The following ATXN10 variants were observed in gnomAD, a reference collection of about 807,000 sequenced individuals.
The protein encoded by ATXN10 is ataxin-10.
In ATXN10, 28 loss-of-function variants were observed where a neutral mutation model predicts 52.9. The ratio of observed to expected loss-of-function variants is 0.53; its 90% confidence interval spans 0.39 to 0.73. The LOEUF (loss-of-function observed/expected upper bound fraction) is 0.73, where lower values mean the gene tolerates loss of function less well. Among genes scored for constraint, ATXN10 ranks in the 30% least tolerant of loss-of-function variants. The probability of loss-of-function intolerance (pLI) is 0.00; values close to 1 mark genes in which losing one functional copy is unlikely to be tolerated. For missense variants in ATXN10, 565 were observed against 577.0 expected, an observed-to-expected ratio of 0.98 and a Z score of 0.21; for synonymous variants, 226 against 221.5, an observed-to-expected ratio of 1.02 and a Z score of -0.18.
intron 2 of ATXN10, among the ~76,000 whole-genome samples, chr22:45,691,568 A>G (rs1425638439): frequency 6.6e-6 from 1 of 152,240 alleles, no homozygotes; most frequent in East Asian, 1.9e-4. Flanking sequence ...AAGCTTAACA[A>G]GCAGTCTGCC....
At chr22:45,734,170 G>T (rs113077581) in intron 7 of ATXN10, among the ~76,000 whole-genome samples, 2 of 152,140 alleles carry the variant, frequency 1.3e-5, no homozygotes, top group African/African-American at 2.4e-5. Context: ...TAAATTCCTG[G>T]AGTTGAATTG....
Position 45,843,126 on chromosome 22 carries a change from AAAAG to A in ATXN10, c.1378_1381del (p.Lys460AlafsTer4), listed in dbSNP as rs1929402776. ...CTTAAAAAAGTGGGTTTTGAAGTTG[AAAAG>A]AAAGGCGAAAAGCTGATCCTGAAAT... On this transcript the variant is annotated frameshift_variant, in exon 11 of 12. Transcript: ENST00000252934. LOFTEE classifies it high-confidence loss of function. The surrounding 1 kb of genome is among the most constrained non-coding windows in gnomAD (Gnocchi z 4.5). The A allele has an allele frequency of 6.2e-7, 1 of 1,613,994 alleles. No individual in the cohort carries two copies. Among genetic ancestry groups the A allele is most frequent in the African/African-American group, 1.3e-5 (1 of 74,920 alleles).
At chr22:45,737,315 A>G (rs1925335001) in intron 7 of ATXN10, among the ~76,000 whole-genome samples, 1 of 152,206 alleles carries the variant, frequency 6.6e-6, no homozygotes, top group Non-Finnish European at 1.5e-5. Context: ...TACCTTTTGC[A>G]TGGGCTGTCC....
Position 45,740,475 on chromosome 22 carries a change from T to C in ATXN10, c.1110T>C (p.Phe370=), listed in dbSNP as rs1925467941. 1.2e-6 allele frequency: 2 copies of C among 1,613,792 alleles called. No homozygotes were observed. Among genetic ancestry groups the C allele is most frequent in the Non-Finnish European group, 8.5e-7 (1 of 1,179,918 alleles). Residue 370 remains phenylalanine, a synonymous_variant, in exon 9 of 12, where the codon TTT becomes TTC. Coordinates refer to ENST00000252934, the MANE Select transcript of ATXN10 (RefSeq NM_013236.4). ...ACATCTCCAATGTGGCCAATGGGTT[T>C]AAGTCTCATCTCATTCGTCTGATTG... ...EGDISNVANG[F]KSHLIRLIGN...
At chr22:45,836,524 G>A (rs1929172650) in intron 10 of ATXN10, among the ~76,000 whole-genome samples, 1 of 152,064 alleles carries the variant, frequency 6.6e-6, no homozygotes, top group South Asian at 2.1e-4. Flanking sequence ...GGAAGCCCAG[G>A]GCTCCCTGGG....
rs11913709 is a variant in ATXN10 at position 45,795,423 on chromosome 22, C to A, written c.1174-11536C>A. On this transcript the variant is annotated intron_variant, in intron 9 of 11. Coordinates refer to ENST00000252934, the MANE Select transcript of ATXN10 (RefSeq NM_013236.4). This position sits in a 1 kb window ranked among gnomAD's most constrained non-coding sequence, Gnocchi z 4.6. ...CTATTCTATTCTATTCTATTCTATT[C>A]TTTTTGAGATGAAGTCTCTCTATGT... is the stretch of plus-strand genomic sequence containing the variant. Among the ~76,000 whole-genome samples, 1,030 of 126,260 alleles carry A rather than the reference C, an allele frequency of 8.2e-3. 11 individuals are homozygous for A. The highest frequency in any genetic ancestry group is 0.03 in the African/African-American group (931 of 30,648). The allele number at this position is 126,260 out of a possible 152,430, so 82.8% of individuals were successfully genotyped here.
intron 9 of ATXN10, among the ~76,000 whole-genome samples, chr22:45,776,564 G>T (rs1926964220): frequency 6.6e-6 from 1 of 151,644 alleles, no homozygotes; most frequent in Non-Finnish European, 1.5e-5. Flanking sequence ...AACTGATATG[G>T]AAGAGAAGTT....
At chr22:45,776,186 C>G (rs1262585589) in intron 9 of ATXN10, among the ~76,000 whole-genome samples, 1 of 152,220 alleles carries the variant, frequency 6.6e-6, no homozygotes, top group Non-Finnish European at 1.5e-5. Context: ...GTAAAGGCTT[C>G]AGTGATTGTT....
chr22:45,685,523 T>C (rs1487398646), intron 1 of ATXN10, among the ~76,000 whole-genome samples: 3 of 152,236 alleles, frequency 2.0e-5, no homozygotes, highest in Non-Finnish European at 4.4e-5. Flanking sequence ...ACTTTTGTAA[T>C]ATTGGAGTGA....
chr22:45,733,500 C>T lies in ATXN10; in HGVS notation c.894+3910C>T, dbSNP rs999032906. On this transcript the variant is annotated intron_variant, in intron 7 of 11. Transcript: ENST00000252934. This position sits in a 1 kb window ranked among gnomAD's most constrained non-coding sequence, Gnocchi z 4.4. ...CTGTAATCCCAGCACTTTAGGAGGT[C>T]GAGGTGGGCAGATTGCCTGAGGTCA... is the stretch of plus-strand genomic sequence containing the variant. 2.0e-5 allele frequency among the ~76,000 whole-genome samples: 3 copies of T among 152,102 alleles called. No individual in the cohort carries two copies. The highest frequency in any genetic ancestry group is 2.1e-4 in the South Asian group (1 of 4,800).
rs1172659594 is a variant in ATXN10 at position 45,747,134 on chromosome 22, A to G, written c.1173+6596A>G. Among the ~76,000 whole-genome samples the G allele has an allele frequency of 7.9e-5, 12 of 152,102 alleles. No homozygotes were observed. The East Asian group carries it at 2.3e-3, about 29-fold the overall frequency. ...AATGGCTTAATTCACTCTCTTTCCC[A>G]GATACATGTTTTTCCTTCTTTATAG... On this transcript the variant is annotated intron_variant, in intron 9 of 11. Transcript: ENST00000252934.
Position 45,787,486 on chromosome 22 carries a change from C to T in ATXN10, c.1174-19473C>T, listed in dbSNP as rs73444675. The stretch of plus-strand genomic sequence containing the variant: ...TGGCAGTTTCCTTCCCACCTTCTAG[C>T]CTCCAGTTCCCAAGCCTGGCATTTG... On this transcript the variant is annotated intron_variant, in intron 9 of 11. Transcript: ENST00000252934. This position sits in a 1 kb window ranked among gnomAD's most constrained non-coding sequence, Gnocchi z 4.2. Among the ~76,000 whole-genome samples the T allele has an allele frequency of 0.011, 1,700 of 152,296 alleles. 38 individuals carry two copies. The highest frequency in any genetic ancestry group is 0.039 in the African/African-American group (1,621 of 41,556).
rs201858018 is a variant in ATXN10 at position 45,745,166 on chromosome 22, GCTT to G, written c.1173+4635_1173+4637del. Reference sequence around the variant, plus strand: ...ATAAACATGAAGAAAGCATTCTTCAGCTTCTTCTTTGTTAGAATAAGGAATGTA... The same window carrying G: ...ATAAACATGAAGAAAGCATTCTTCAGCTTCTTTGTTAGAATAAGGAATGTA... On this transcript the variant is annotated intron_variant, in intron 9 of 11. Transcript: ENST00000252934. Among the ~76,000 whole-genome samples the G allele has an allele frequency of 3.4e-4, 51 of 152,236 alleles. 1 individual carries two copies. The East Asian group carries it at 8.9e-3, about 26-fold the overall frequency.
In ATXN10 at chr22:45,775,827, A is replaced by G. The variant is rs866656606; in HGVS notation, c.1174-31132A>G. ...CAATAATAAATATTCTACAGCCTCTAACCTGATAGATCATTCCGCCCCTCA... is the reference window on the plus strand; with the variant it reads ...CAATAATAAATATTCTACAGCCTCTGACCTGATAGATCATTCCGCCCCTCA... On this transcript the variant is annotated intron_variant, in intron 9 of 11. Coordinates refer to ENST00000252934, the MANE Select transcript of ATXN10 (RefSeq NM_013236.4). This position sits in a 1 kb window ranked among gnomAD's most constrained non-coding sequence, Gnocchi z 4.7. Among the ~76,000 whole-genome samples, 10 of 152,254 alleles carry G rather than the reference A, an allele frequency of 6.6e-5. No individual in the cohort carries two copies. The highest frequency in any genetic ancestry group is 3.4e-3 in the Middle Eastern group (1 of 294).
chr22:45,738,895 C>A, intron 8 of ATXN10, 56 bp downstream of exon 8: 1 of 1,404,448 alleles, frequency 7.1e-7, no homozygotes, highest in Non-Finnish European at 1.0e-6. Flanking sequence ...GCTTGTCATA[C>A]TGTAATATAA....
chr22:45,688,841 A>G lies in ATXN10; in HGVS notation c.117-871A>G, dbSNP rs1299689051. 6.6e-6 allele frequency among the ~76,000 whole-genome samples: 1 copy of G among 152,220 alleles called. No individual in the cohort carries two copies. The highest frequency in any genetic ancestry group is 6.5e-5 in the Admixed American group (1 of 15,278). ...TGTGGCAACTTTCCTTCTAACGTTA[A>G]AAGAGATTTGCTGTTTCTTTAGGGG... On this transcript the variant is annotated intron_variant, in intron 1 of 11. Coordinates refer to ENST00000252934, the MANE Select transcript of ATXN10 (RefSeq NM_013236.4). This position sits in a 1 kb window ranked among gnomAD's most constrained non-coding sequence, Gnocchi z 4.0.
chr22:45,717,117 C>G (rs570639589), intron 5 of ATXN10, among the ~76,000 whole-genome samples: 45 of 152,144 alleles, frequency 3.0e-4, no homozygotes, highest in Non-Finnish European at 6.2e-4. Context: ...TTTCCTTCTT[C>G]TAGGGATTGG....
intron 1 of ATXN10, chr22:45,679,100 A>G (rs1347082017): frequency 6.6e-6 from 1 of 152,106 alleles, no homozygotes; most frequent in African/African-American, 2.4e-5. Flanking sequence ...TTTGCCCTGT[A>G]TTCCCTTGGC....
chr22:45,724,260 GT>G (rs1460071191), intron 6 of ATXN10, among the ~76,000 whole-genome samples: 2 of 152,070 alleles, frequency 1.3e-5, no homozygotes, highest in Admixed American at 6.6e-5. Flanking sequence ...TTCCATGAAG[GT>G]TTTACTATTT....
Sources: gnomAD v4.1 joint callset for allele counts (sites outside exome capture counted in the v4.1 genomes callset) on GRCh38, gnomAD v4.1.1 for gene constraint, Gnocchi (gnomAD v3.1) non-coding constraint, MANE v1.5 for transcripts, NCBI Gene and HGNC (gene_info 2026-07-23, HGNC 2026-07-21) for gene names.